CDH11: variants seen among roughly 807,000 people sequenced by gnomAD.
CDH11 encodes cadherin-11.
A neutral mutation model predicts 67.8 loss-of-function variants in CDH11; 11 were observed. The ratio of observed to expected loss-of-function variants is 0.16; its 90% CI spans 0.10 to 0.27. The LOEUF (loss-of-function observed/expected upper bound fraction) is 0.27, where lower values mean the gene tolerates loss of function less well. Among genes scored for constraint, CDH11 ranks in the 10% least tolerant of loss-of-function variants. The probability of loss-of-function intolerance (pLI) is 1.00; values close to 1 mark genes in which losing one functional copy is unlikely to be tolerated. For missense variants in CDH11, 847 were observed against 1,031.2 expected (o/e 0.82, Z 2.45); for synonymous variants, 419 against 400.0 (o/e 1.05, Z -0.57).
chr16:64,991,171 C>A (rs1272606666), intron 6 of CDH11, among the ~76,000 whole-genome samples: 1 of 152,050 alleles, frequency 6.6e-6, no homozygotes, highest in Non-Finnish European at 1.5e-5. Context: ...AAAACCAGCC[C>A]ACGCAGAAAG....
chr16:65,060,776 T>G (rs2074226241), intron 1 of CDH11, among the ~76,000 whole-genome samples: 1 of 152,148 alleles, frequency 6.6e-6, no homozygotes, highest in African/African-American at 2.4e-5. Flanking sequence ...AGCCATCAAC[T>G]AGAAGAATGG....
At chr16:64,981,950 C>T in intron 8 of CDH11, 98 bp downstream of exon 8, 6 of 1,097,454 alleles carry the variant, frequency 5.5e-6, no homozygotes, top group Non-Finnish European at 7.9e-6. Flanking sequence ...AACTTGAACC[C>T]TTTTTGAAAT....
chr16:65,088,747 G>C (rs534666330), intron 1 of CDH11, among the ~76,000 whole-genome samples: 24 of 152,200 alleles, frequency 1.6e-4, no homozygotes, highest in Non-Finnish European at 3.5e-4. Context: ...TCTATCTTGC[G>C]TGTTTCAGTG....
chr16:65,028,201 G>A (rs927421949), intron 2 of CDH11, among the ~76,000 whole-genome samples: 5 of 152,142 alleles, frequency 3.3e-5, no homozygotes, highest in East Asian at 3.9e-4. Context: ...ATGACTGACC[G>A]CTGCTCTGCT....
At position 64,966,445 on chromosome 16, in the gene CDH11, G is replaced by A. The variant is rs899446885; in HGVS notation, c.1642+5134C>T. Among the ~76,000 whole-genome samples, 42 of 67,616 alleles carry A rather than the reference G, an allele frequency of 6.2e-4. No homozygotes were observed. The East Asian group carries it at 0.25, about 395-fold the overall frequency. 44.4% of individuals were successfully genotyped at this position (67,616 alleles called of 152,430 possible). ...AATAGTAATAAAATAAAAATAATGCGGAGAAAGCATCTGTCAGGTTTCAAC... is the reference window on the plus strand; with the variant it reads ...AATAGTAATAAAATAAAAATAATGCAGAGAAAGCATCTGTCAGGTTTCAAC... On this transcript the variant is annotated intron_variant, in intron 11 of 12. Coordinates refer to ENST00000268603, the MANE Select transcript of CDH11 (RefSeq NM_001797.4).
At chr16:64,965,374 T>C (rs1202125672) in intron 11 of CDH11, among the ~76,000 whole-genome samples, 1 of 151,914 alleles carries the variant, frequency 6.6e-6, no homozygotes, top group Non-Finnish European at 1.5e-5. Context: ...AGAGCAAGAC[T>C]CCATCTCGAA....
At chr16:64,951,483 A>T (rs2071359930) in intron 11 of CDH11, among the ~76,000 whole-genome samples, 1 of 151,448 alleles carries the variant, frequency 6.6e-6, no homozygotes, top group Non-Finnish European at 1.5e-5. Flanking sequence ...CCAGGCTCAC[A>T]CCCTACGTTT....
At chr16:65,059,370 T>G (rs1056192331) in intron 1 of CDH11, among the ~76,000 whole-genome samples, 1 of 152,244 alleles carries the variant, frequency 6.6e-6, no homozygotes, top group Non-Finnish European at 1.5e-5. Flanking sequence ...AAACTCTTAC[T>G]ACGATTATCT....
intron 2 of CDH11, among the ~76,000 whole-genome samples, chr16:65,008,342 A>G (rs981379054): frequency 2.0e-5 from 3 of 152,222 alleles, no homozygotes; most frequent in Non-Finnish European, 4.4e-5. Flanking sequence ...TTTAAGAGCA[A>G]TGGTCCACCA....
rs550251829 is a variant in CDH11, at chr16:65,076,510, C to T, written c.-297-22582G>A. 2.6e-5 allele frequency among the ~76,000 whole-genome samples: 4 copies of T among 152,164 alleles called. No homozygotes were observed. In the South Asian group the frequency reaches 8.3e-4, roughly 32 times the overall value. On this transcript the variant is annotated intron_variant, in intron 1 of 12. Transcript: ENST00000268603. ...GAAACAAGTGTGGGCTCCCTTTGAT[C>T]CAGCCCATCCTGGCAGCACATGGTA...
At chr16:64,973,633 G>A (rs1163673796) in intron 8 of CDH11, among the ~76,000 whole-genome samples, 2 of 151,970 alleles carry the variant, frequency 1.3e-5, no homozygotes, top group African/African-American at 2.4e-5. Context: ...TGGTGAAATC[G>A]CATCTCTACT....
intron 1 of CDH11, among the ~76,000 whole-genome samples, chr16:65,111,517 G>A (rs1255265125): frequency 6.6e-6 from 1 of 152,152 alleles, no homozygotes; most frequent in Non-Finnish European, 1.5e-5. Flanking sequence ...CAAATAAACT[G>A]TGGAGCGTAA....
intron 8 of CDH11, among the ~76,000 whole-genome samples, chr16:64,974,754 C>G (rs1282212540): frequency 1.3e-5 from 2 of 152,118 alleles, no homozygotes. Flanking sequence ...TAATCAAAGA[C>G]TTTTTTTCCT....
chr16:65,035,481 C>T (rs1015485444), intron 2 of CDH11, among the ~76,000 whole-genome samples: 5 of 152,324 alleles, frequency 3.3e-5, no homozygotes, highest in African/African-American at 1.2e-4. Flanking sequence ...TAGAAAGTCA[C>T]TCTTAATGGG....
intron 2 of CDH11, among the ~76,000 whole-genome samples, chr16:65,021,538 C>T (rs541253777): frequency 2.8e-5 from 4 of 142,012 alleles, no homozygotes; most frequent in South Asian, 2.3e-4. Flanking sequence ...GAAAAACAAA[C>T]ATAAAAGCCA....
chr16:64,996,978 A>G (rs1289644801), intron 4 of CDH11, among the ~76,000 whole-genome samples: 2 of 152,056 alleles, frequency 1.3e-5, no homozygotes, highest in Non-Finnish European at 2.9e-5. Context: ...AGTGTTACAC[A>G]GTATATTCAT....
intron 1 of CDH11, among the ~76,000 whole-genome samples, chr16:65,084,291 C>T (rs931635791): frequency 6.7e-5 from 10 of 149,286 alleles, no homozygotes; most frequent in African/African-American, 2.2e-4. Context: ...GAGTTGGAGA[C>T]CTGCCTGGGC....
intron 2 of CDH11, among the ~76,000 whole-genome samples, chr16:65,052,452 T>C (rs2074072325): frequency 6.6e-6 from 1 of 152,154 alleles, no homozygotes; most frequent in African/African-American, 2.4e-5. Flanking sequence ...AGAGTGCTTA[T>C]GAGGTGAGAG....
intron 8 of CDH11, among the ~76,000 whole-genome samples, chr16:64,980,055 G>C (rs1307846299): frequency 6.6e-6 from 1 of 152,138 alleles, no homozygotes; most frequent in Admixed American, 6.6e-5. Context: ...GTTACAGGAG[G>C]CTGGGAAGCA....
Sources: gnomAD v4.1 joint callset for allele counts (sites outside exome capture counted in the v4.1 genomes callset) on GRCh38, gnomAD v4.1.1 for gene constraint, MANE v1.5 for transcripts, NCBI Gene and HGNC (gene_info 2026-07-23, HGNC 2026-07-21) for gene names.